Variants in GNAQ observed in about 807,000 individuals in gnomAD.
GNAQ encodes the protein G protein subunit alpha q, also known as guanine nucleotide-binding protein G(q) subunit alpha.
Under a neutral mutation model 43.9 loss-of-function variants are expected in GNAQ, and 8 were observed. That is an observed-to-expected ratio of 0.18 (90% CI 0.11 to 0.33). The LOEUF (loss-of-function observed/expected upper bound fraction) is 0.33, where lower values mean the gene tolerates loss of function less well. GNAQ is among the 10% of genes least tolerant of loss of function. The probability of loss-of-function intolerance (pLI) is 1.00; values close to 1 mark genes in which losing one functional copy is unlikely to be tolerated. For missense variants in GNAQ, 158 were observed against 450.8 expected (o/e 0.35, Z 5.88); for synonymous variants, 155 against 170.7 (o/e 0.91, Z 0.71).
At chr9:77,796,375 C>A (rs1189314897) in intron 4 of GNAQ, among the ~76,000 whole-genome samples, 1 of 152,134 alleles carries the variant, frequency 6.6e-6, no homozygotes, top group Non-Finnish European at 1.5e-5. Context: ...TGCACACATC[C>A]ATCTTCAATG....
At position 77,717,432 on chromosome 9, in the gene GNAQ, T is replaced by C. The variant is rs1034381102; in HGVS notation, c.*3891A>G. 1.7e-5 allele frequency: 4 copies of C among 232,398 alleles called. No homozygotes were observed. The highest frequency in any genetic ancestry group is 8.8e-5 in the African/African-American group (4 of 45,316). The allele number at this position is 232,398 out of a possible 1,614,324, so 14.4% of individuals were successfully genotyped here. On this transcript the variant is annotated 3_prime_UTR_variant, in exon 7 of 7. Transcript: ENST00000286548. ...GAAAACAAAGGGAAATCAAGGGTAA[T>C]CGGTAGGTGATTTGAGGGAAATTTC...
At chr9:77,848,110 C>T (rs142141681) in intron 2 of GNAQ, among the ~76,000 whole-genome samples, 2 of 152,176 alleles carry the variant, frequency 1.3e-5, no homozygotes, top group African/African-American at 2.4e-5. Flanking sequence ...TCAATGAGAA[C>T]AGTCCCACCT....
At chr9:77,939,677 A>G (rs1829287037) in intron 1 of GNAQ, among the ~76,000 whole-genome samples, 1 of 152,240 alleles carries the variant, frequency 6.6e-6, no homozygotes, top group Non-Finnish European at 1.5e-5. Flanking sequence ...GAAAAAACTC[A>G]TTCTGGAATT....
At chr9:77,996,096 G>T (rs1208330143) in intron 1 of GNAQ, among the ~76,000 whole-genome samples, 2 of 152,142 alleles carry the variant, frequency 1.3e-5, no homozygotes, top group Non-Finnish European at 2.9e-5. Context: ...GCACCATTCA[G>T]AGGAGCAGAG....
intron 1 of GNAQ, among the ~76,000 whole-genome samples, chr9:77,963,687 C>T (rs1365675523): frequency 6.6e-6 from 1 of 152,070 alleles, no homozygotes; most frequent in Non-Finnish European, 1.5e-5. Flanking sequence ...CCAAAGAACA[C>T]CAACACCTGC....
intron 1 of GNAQ, among the ~76,000 whole-genome samples, chr9:78,000,173 G>A (rs1048984504): frequency 2.6e-5 from 4 of 151,970 alleles, no homozygotes; most frequent in East Asian, 1.9e-4. Context: ...TTAAAAAGAG[G>A]GTAATTAGCA....
intron 1 of GNAQ, among the ~76,000 whole-genome samples, chr9:78,012,693 G>A (rs1823788619): frequency 6.6e-6 from 1 of 152,046 alleles, no homozygotes; most frequent in Admixed American, 6.6e-5. Flanking sequence ...TGCTAAATAT[G>A]CATCTTAATT....
chr9:77,969,507 T>A (rs1208133594), intron 1 of GNAQ, among the ~76,000 whole-genome samples: 3 of 152,128 alleles, frequency 2.0e-5, no homozygotes, highest in African/African-American at 7.2e-5. Context: ...AAACAAAAAG[T>A]CATAAAATGT....
intron 2 of GNAQ, among the ~76,000 whole-genome samples, chr9:77,830,146 A>C (rs1474405200): frequency 6.6e-6 from 1 of 151,956 alleles, no homozygotes; most frequent in East Asian, 1.9e-4. Context: ...TTGAGACAAG[A>C]TCTCCCTAGA....
intron 1 of GNAQ, among the ~76,000 whole-genome samples, chr9:78,013,193 A>G (rs1823794814): frequency 6.6e-6 from 1 of 152,166 alleles, no homozygotes; most frequent in South Asian, 2.1e-4. Context: ...AAATACCCAT[A>G]TTATATTGAA....
chr9:77,722,448 A>G (rs1295454583), intron 6 of GNAQ, among the ~76,000 whole-genome samples: 1 of 151,860 alleles, frequency 6.6e-6, no homozygotes, highest in African/African-American at 2.4e-5. Context: ...ATATTTTCTT[A>G]CATTGATTTA....
intron 1 of GNAQ, among the ~76,000 whole-genome samples, chr9:78,003,668 A>T (rs1314059256): frequency 2.0e-5 from 3 of 151,984 alleles, no homozygotes; most frequent in African/African-American, 7.2e-5. Context: ...TACAAAAAAT[A>T]AACTGGGTGT....
intron 3 of GNAQ, 104 bp from the exon 4 acceptor site, chr9:77,797,752 G>C (rs1826680074): frequency 2.0e-6 from 2 of 991,220 alleles, no homozygotes; most frequent in Non-Finnish European, 1.5e-6. Flanking sequence ...AAGTAAAGAA[G>C]AGAAAGAAAA....
intron 2 of GNAQ, among the ~76,000 whole-genome samples, chr9:77,817,503 A>G (rs187091919): frequency 2.6e-5 from 4 of 152,344 alleles, no homozygotes; most frequent in East Asian, 1.9e-4. Context: ...GGCTTTACCC[A>G]TAACACTGGT....
chr9:77,765,699 C>T lies in GNAQ; in HGVS notation c.735+28764G>A, dbSNP rs373853592. ...ACAGCTGCTATGAAAAACAGTATGG[C>T]AATTCATCAAAAAGTAAAAAATACA... On this transcript the variant is annotated intron_variant, in intron 5 of 6. Coordinates refer to ENST00000286548, the MANE Select transcript of GNAQ (RefSeq NM_002072.5). Among the ~76,000 whole-genome samples, 58 of 152,270 alleles carry T rather than the reference C, an allele frequency of 3.8e-4. 1 individual carries two copies. In the South Asian group the frequency reaches 9.8e-3, roughly 26 times the overall value.
intron 3 of GNAQ, among the ~76,000 whole-genome samples, chr9:77,810,963 A>G (rs1345735550): frequency 6.6e-6 from 1 of 152,170 alleles, no homozygotes; most frequent in East Asian, 1.9e-4. Context: ...TCAGAGAGAA[A>G]AGAAGACAGG....
chr9:77,898,003 G>T (rs558728557), intron 2 of GNAQ, among the ~76,000 whole-genome samples: 4 of 149,604 alleles, frequency 2.7e-5, no homozygotes, highest in African/African-American at 7.3e-5. Flanking sequence ...AAAGTGAATT[G>T]TAAGAAGGGC....
chr9:78,012,028 T>G (rs968036207), intron 1 of GNAQ, among the ~76,000 whole-genome samples: 3 of 152,186 alleles, frequency 2.0e-5, no homozygotes, highest in African/African-American at 7.2e-5. Context: ...GCTTTCATGT[T>G]ATAGAAACAA....
chr9:77,969,428 C>T (rs997206704), intron 1 of GNAQ, among the ~76,000 whole-genome samples: 7 of 152,146 alleles, frequency 4.6e-5, no homozygotes, highest in Admixed American at 4.6e-4. Context: ...CCTCCCTATA[C>T]AATTAGCCTG....
Sources: allele counts gnomAD v4.1 joint callset (sites outside exome capture counted in the v4.1 genomes callset), GRCh38; gene constraint gnomAD v4.1.1; transcripts MANE v1.5; gene names NCBI Gene and HGNC (gene_info 2026-07-23, HGNC 2026-07-21).